The following ENPP3 variants were observed in gnomAD, a reference collection of about 807,000 sequenced individuals.
ENPP3 encodes ectonucleotide pyrophosphatase/phosphodiesterase family member 3.
Under a neutral mutation model 117.8 loss-of-function variants are expected in ENPP3, and 104 were observed. The observed-to-expected ratio is 0.88, with a 90% CI of 0.75 to 1.04. ENPP3 has a LOEUF of 1.04. ENPP3 is among the 50% of genes least tolerant of loss of function. ENPP3 has a pLI of 0.00. For missense variants in ENPP3, 1,026 were observed against 1,051.9 expected (o/e 0.98, Z 0.34); for synonymous variants, 380 against 349.9 (o/e 1.09, Z -0.96).
chr6:131,683,044 T>C lies in ENPP3; in HGVS notation c.1012-10T>C, dbSNP rs781290908. ...CATTACGACAATCTTAACTCCAAAT[T>C]ATTTTTCAGGTAATTAAAGCCTTAC... On this transcript the variant is annotated splice_polypyrimidine_tract_variant and intron_variant, in intron 11 of 24. Transcript: ENST00000357639. The C allele has an allele frequency of 1.7e-5, 26 of 1,533,610 alleles. No individual in the cohort carries two copies. The highest frequency in any genetic ancestry group is 2.3e-5 in the Non-Finnish European group (26 of 1,107,484).
At chr6:131,671,942 T>A (rs957145860) in intron 7 of ENPP3, among the ~76,000 whole-genome samples, 1 of 152,202 alleles carries the variant, frequency 6.6e-6, no homozygotes, top group Non-Finnish European at 1.5e-5. Context: ...TCAAAGGATA[T>A]TTGTGTCTTC....
rs573827048 is a variant in ENPP3 at position 131,695,847 on chromosome 6, C to T, written c.1412+2223C>T. Among the ~76,000 whole-genome samples, 11 of 152,014 alleles carry T rather than the reference C, an allele frequency of 7.2e-5. No homozygotes were observed. In the East Asian group the frequency reaches 1.5e-3, roughly 21 times the overall value. ...AAGATAATTGCTTGAACCTGGGAGG[C>T]GGAGGTTGCAGTGAGCCAAGATCGC... On this transcript the variant is annotated intron_variant, in intron 15 of 24. Coordinates refer to ENST00000357639, the MANE Select transcript of ENPP3 (RefSeq NM_005021.5).
intron 22 of ENPP3, 27 bp from the exon 23 acceptor site, chr6:131,738,004 T>G: frequency 6.5e-7 from 1 of 1,532,746 alleles, no homozygotes; most frequent in Non-Finnish European, 8.9e-7. Flanking sequence ...AGTGGACATT[T>G]TAAACACTTT....
At chr6:131,639,278 T>TTTTC (rs1777993586) in intron 1 of ENPP3, among the ~76,000 whole-genome samples, 1 of 138,278 alleles carries the variant, frequency 7.2e-6, no homozygotes, top group African/African-American at 2.6e-5. Flanking sequence ...TTTTTTTTTT[T>TTTTC]CTCTCTCTCT....
intron 6 of ENPP3, among the ~76,000 whole-genome samples, chr6:131,667,479 A>G (rs1330542151): frequency 1.3e-5 from 2 of 152,274 alleles, no homozygotes; most frequent in African/African-American, 4.8e-5. Flanking sequence ...TCTTTGTAGC[A>G]CACAGGGGAC....
chr6:131,683,297 T>G (rs1439315650), intron 12 of ENPP3, 135 bp downstream of exon 12: 17 of 583,870 alleles, frequency 2.9e-5, no homozygotes, highest in Non-Finnish European at 5.1e-5. Flanking sequence ...AGGAATGAAT[T>G]GTGGTAGAAT....
intron 11 of ENPP3, among the ~76,000 whole-genome samples, chr6:131,678,981 C>CTTTT (rs1778946440): frequency 9.1e-6 from 1 of 110,448 alleles, no homozygotes; most frequent in Non-Finnish European, 1.7e-5. Context: ...TTCCTTCCTT[C>CTTTT]CTTCCTTCCT....
chr6:131,677,693 A>C (rs536458035), intron 10 of ENPP3, among the ~76,000 whole-genome samples, 175 bp from the exon 11 acceptor site: 1 of 152,292 alleles, frequency 6.6e-6, no homozygotes, highest in African/African-American at 2.4e-5. Context: ...ATTTCCCGTT[A>C]GGAAACCTAT....
chr6:131,684,694 A>AT (rs1430845130), intron 12 of ENPP3, among the ~76,000 whole-genome samples: 2 of 152,178 alleles, frequency 1.3e-5, no homozygotes, highest in African/African-American at 4.8e-5. Flanking sequence ...AAAAAAAAAA[A>AT]AAATTCATGT....
chr6:131,736,601 G>T (rs1255458317), intron 21 of ENPP3, among the ~76,000 whole-genome samples: 1 of 152,000 alleles, frequency 6.6e-6, no homozygotes, highest in African/African-American at 2.4e-5. Flanking sequence ...GATTGGGGGG[G>T]ACACAGCCAA....
rs763050464 is a variant in ENPP3 at position 131,675,336 on chromosome 6, C to T, written c.872+147C>T. ...ATTGATTCCTTTCCTTTATGTCACT[C>T]AAGCAGTCTCTCAGTAAATGCTTTT... On this transcript the variant is annotated intron_variant, in intron 9 of 24. Coordinates refer to ENST00000357639, the MANE Select transcript of ENPP3 (RefSeq NM_005021.5). 3 of 596,406 alleles carry T rather than the reference C, an allele frequency of 5.0e-6. No homozygotes were observed. In the African/African-American group the frequency reaches 5.6e-5, roughly 11 times the overall value. 36.9% of individuals were successfully genotyped at this position (596,406 alleles called of 1,614,324 possible). A position where few individuals can be genotyped will look rare whatever the true frequency, so the allele number is the denominator to read the frequency against.
At chr6:131,725,145 G>A (rs1780127978) in intron 19 of ENPP3, among the ~76,000 whole-genome samples, 2 of 151,968 alleles carry the variant, frequency 1.3e-5, no homozygotes, top group Admixed American at 1.3e-4. Flanking sequence ...AGAATCACTT[G>A]AACCCAGGAG....
rs1347475310 is a variant in ENPP3 at position 131,652,896 on chromosome 6, G to A, written c.464+5G>A. ...GCAGTCTCAGTGCCCAGAAGGGTGAGCATGACTGATACAGGGATTTTTATC... is the reference window on the plus strand; with the variant it reads ...GCAGTCTCAGTGCCCAGAAGGGTGAACATGACTGATACAGGGATTTTTATC... On this transcript the variant is annotated splice_donor_5th_base_variant and intron_variant, in intron 5 of 24. Coordinates refer to ENST00000357639, the MANE Select transcript of ENPP3 (RefSeq NM_005021.5). 6.2e-6 allele frequency: 10 copies of A among 1,600,376 alleles called. No homozygotes were observed. The highest frequency in any genetic ancestry group is 1.3e-5 in the African/African-American group (1 of 74,772).
intron 9 of ENPP3, 74 bp downstream of exon 9, chr6:131,675,263 G>T (rs1247951240): frequency 4.9e-6 from 5 of 1,012,124 alleles, no homozygotes; most frequent in Non-Finnish European, 7.7e-6. Context: ...AATCTTGGTG[G>T]CAATTCTATT....
rs969840278 is a variant in ENPP3 at position 131,679,140 on chromosome 6, G to C, written c.1011+1200G>C. ...GATGGAGTCTTGCTCTGTCACCCAG[G>C]CTGGAATGCAGTGGCGCAATCTCAG... On this transcript the variant is annotated intron_variant, in intron 11 of 24. Transcript: ENST00000357639. 4.1e-5 allele frequency among the ~76,000 whole-genome samples: 6 copies of C among 147,972 alleles called. No individual in the cohort carries two copies. The Admixed American group carries it at 4.2e-4, about 10-fold the overall frequency.
intron 21 of ENPP3, among the ~76,000 whole-genome samples, chr6:131,734,473 A>G (rs1190732843): frequency 1.3e-5 from 2 of 152,204 alleles, no homozygotes; most frequent in African/African-American, 4.8e-5. Flanking sequence ...ATGGGCAAAA[A>G]GGTTTAATGA....
intron 20 of ENPP3, among the ~76,000 whole-genome samples, chr6:131,730,965 T>G (rs1257014678): frequency 1.3e-5 from 2 of 152,104 alleles, no homozygotes; most frequent in Non-Finnish European, 2.9e-5. Context: ...CTAATGTGTT[T>G]GAATTTTTCC....
chr6:131,673,907 A>C (rs947903261), intron 7 of ENPP3, among the ~76,000 whole-genome samples: 1 of 152,164 alleles, frequency 6.6e-6, no homozygotes, highest in African/African-American at 2.4e-5. Context: ...GTTATATGCA[A>C]ATCCCAAGCC....
intron 2 of ENPP3, among the ~76,000 whole-genome samples, chr6:131,643,143 G>A (rs1169285928): frequency 6.6e-6 from 1 of 152,180 alleles, no homozygotes; most frequent in African/African-American, 2.4e-5. Context: ...GAACTGAAAA[G>A]TTGAATAATT....
Sources: allele counts gnomAD v4.1 joint callset (sites outside exome capture counted in the v4.1 genomes callset), GRCh38; gene constraint gnomAD v4.1.1; transcripts MANE v1.5; gene names NCBI Gene and HGNC (gene_info 2026-07-23, HGNC 2026-07-21).